Variants in KCNIP1 observed in about 807,000 individuals in gnomAD.
The protein encoded by KCNIP1 is potassium voltage-gated channel interacting protein 1.
KCNIP1 carries 18 observed loss-of-function variants against 33.0 expected under a neutral mutation model. The observed-to-expected ratio is 0.55, with a 90% CI of 0.38 to 0.81. KCNIP1 has a LOEUF of 0.81. Among genes scored for constraint, KCNIP1 ranks in the 30% least tolerant of loss-of-function variants. The probability of loss-of-function intolerance (pLI) is 0.00; values close to 1 mark genes in which losing one functional copy is unlikely to be tolerated. For synonymous variants in KCNIP1, 93 were observed against 98.3 expected (o/e 0.95, Z 0.32); for missense variants, 238 against 271.6 (o/e 0.88, Z 0.87).
At chr5:170,669,533 G>T (rs1000546719) in intron 1 of KCNIP1, 5 of 985,086 alleles carry the variant, frequency 5.1e-6, no homozygotes, top group African/African-American at 1.7e-5. Flanking sequence ...AAGGACAGAT[G>T]GATGGATGGT....
chr5:170,384,013 C>T (rs1029196829), intron 1 of KCNIP1, among the ~76,000 whole-genome samples: 1 of 152,192 alleles, frequency 6.6e-6, no homozygotes, highest in Non-Finnish European at 1.5e-5. Flanking sequence ...ACCCCACAGT[C>T]CCCGGACACA....
At chr5:170,392,313 A>G (rs552765135) in intron 1 of KCNIP1, among the ~76,000 whole-genome samples, 2 of 152,308 alleles carry the variant, frequency 1.3e-5, no homozygotes, top group East Asian at 3.9e-4. Context: ...GCTCTCTCTG[A>G]ATTCCAGAGC....
intron 1 of KCNIP1, chr5:170,383,657 C>A: frequency 6.2e-7 from 1 of 1,607,534 alleles, no homozygotes; most frequent in Non-Finnish European, 8.5e-7. Context: ...AGGGATGTGT[C>A]CCCATCCCTC....
intron 5 of KCNIP1, among the ~76,000 whole-genome samples, chr5:170,729,382 T>G (rs1764117914): frequency 6.6e-6 from 1 of 152,058 alleles, no homozygotes; most frequent in Admixed American, 6.5e-5. Context: ...CAGTAGACAT[T>G]CATCTTAACA....
intron 1 of KCNIP1, among the ~76,000 whole-genome samples, chr5:170,543,969 G>T (rs867628339): frequency 6.6e-6 from 1 of 152,164 alleles, no homozygotes; most frequent in Admixed American, 6.5e-5. Context: ...AGAAACCAGC[G>T]TTAATGGGAG....
intron 1 of KCNIP1, among the ~76,000 whole-genome samples, chr5:170,496,794 G>A (rs888935): frequency 0.028 from 4,289 of 152,170 alleles, 190 homozygotes; most frequent in African/African-American, 0.094. Flanking sequence ...ACTGTGGCCC[G>A]GAAATGCGGT....
rs565890813 is a variant in KCNIP1, at chr5:170,383,415, C to A, written c.88+29451C>A. 21 of 602,874 alleles carry A rather than the reference C, an allele frequency of 3.5e-5. No individual in the cohort carries two copies. In the South Asian group the frequency reaches 3.7e-4, roughly 11 times the overall value. The allele number at this position is 602,874 out of a possible 1,614,324, so 37.3% of individuals were successfully genotyped here. On this transcript the variant is annotated intron_variant, in intron 1 of 7. Transcript: ENST00000377360. ...ACAGCTCTTCAAGGTGCAGCATTAG[C>A]ATTCCACTTTACAAGGGTGGAAACT...
chr5:170,399,327 C>T (rs995717943), intron 1 of KCNIP1, among the ~76,000 whole-genome samples: 4 of 152,296 alleles, frequency 2.6e-5, no homozygotes, highest in Non-Finnish European at 4.4e-5. Context: ...AGACCATTAG[C>T]ATTAACCTTA....
At chr5:170,728,871 T>A (rs889590359) in intron 5 of KCNIP1, among the ~76,000 whole-genome samples, 1 of 152,000 alleles carries the variant, frequency 6.6e-6, no homozygotes, top group Non-Finnish European at 1.5e-5. Flanking sequence ...AGAAAAATGG[T>A]GGGATTTGTT....
chr5:170,535,823 A>G (rs1755963230), intron 1 of KCNIP1, among the ~76,000 whole-genome samples: 1 of 152,244 alleles, frequency 6.6e-6, no homozygotes, highest in African/African-American at 2.4e-5. Context: ...TCTCCAGACC[A>G]GATAAATAAG....
intron 1 of KCNIP1, among the ~76,000 whole-genome samples, chr5:170,426,821 G>A (rs1325259331): frequency 1.3e-5 from 2 of 152,266 alleles, no homozygotes; most frequent in Non-Finnish European, 2.9e-5. Context: ...GGGTGGAGCT[G>A]AGAGCCCGCC....
chr5:170,693,258 G>GAC (rs56150495), intron 1 of KCNIP1, among the ~76,000 whole-genome samples: 151,360 of 151,858 alleles, frequency 1, 75,432 homozygotes, highest in Middle Eastern at 1. Context: ...CCATCCCCCC[G>GAC]ACACACACAC....
chr5:170,507,949 T>C (rs1454952149), intron 1 of KCNIP1, among the ~76,000 whole-genome samples: 1 of 152,242 alleles, frequency 6.6e-6, no homozygotes, highest in East Asian at 1.9e-4. Context: ...TTTCTGACTC[T>C]AGCAGTTTTG....
chr5:170,363,537 G>A (rs112265652), intron 1 of KCNIP1, among the ~76,000 whole-genome samples: 2,650 of 152,208 alleles, frequency 0.017, 68 homozygotes, highest in African/African-American at 0.059. Context: ...CACCAACCCT[G>A]CCCGAACCTT....
At chr5:170,429,602 C>A (rs1755696192) in intron 1 of KCNIP1, among the ~76,000 whole-genome samples, 1 of 152,106 alleles carries the variant, frequency 6.6e-6, no homozygotes, top group South Asian at 2.1e-4. Flanking sequence ...AATTTCTCAT[C>A]ATCCACTCCT....
chr5:170,523,511 C>T (rs750470744), intron 1 of KCNIP1, among the ~76,000 whole-genome samples: 4 of 152,168 alleles, frequency 2.6e-5, no homozygotes, highest in Non-Finnish European at 4.4e-5. Context: ...CATTCCTCCT[C>T]CTAAGACTCC....
At chr5:170,735,636 T>C in intron 7 of KCNIP1, 123 bp from the exon 8 acceptor site, 1 of 797,612 alleles carries the variant, frequency 1.3e-6, no homozygotes, top group Non-Finnish European at 2.1e-6. Context: ...CTTCTTGTTT[T>C]TCATACCCTT....
At chr5:170,362,131 A>C (rs529501556) in intron 1 of KCNIP1, among the ~76,000 whole-genome samples, 1 of 152,286 alleles carries the variant, frequency 6.6e-6, no homozygotes, top group Non-Finnish European at 1.5e-5. Flanking sequence ...TTTAGTGCAC[A>C]TGAGAAACCT....
At chr5:170,452,105 C>T (rs1369278133) in intron 1 of KCNIP1, among the ~76,000 whole-genome samples, 4 of 152,070 alleles carry the variant, frequency 2.6e-5, no homozygotes, top group African/African-American at 9.7e-5. Flanking sequence ...CAGAGGGAAA[C>T]GTGGTTGGTG....
Sources: gnomAD v4.1 joint callset for allele counts (sites outside exome capture counted in the v4.1 genomes callset) on GRCh38, gnomAD v4.1.1 for gene constraint, MANE v1.5 for transcripts, NCBI Gene and HGNC (gene_info 2026-07-23, HGNC 2026-07-21) for gene names.